RAB43: variants seen among roughly 807,000 people sequenced by gnomAD.
RAB43 encodes the protein ras-related protein Rab-43.
Under a neutral mutation model 18.8 loss-of-function variants are expected in RAB43, and 6 were observed. The observed-to-expected ratio is 0.32, with a 90% CI of 0.17 to 0.63. The LOEUF (loss-of-function observed/expected upper bound fraction) is 0.63. Ranked by LOEUF, RAB43 falls within the 30% of genes least tolerant of loss-of-function variation. The pLI is 0.79. For missense variants in RAB43, 195 were observed against 289.1 expected, an observed-to-expected ratio of 0.67 and a Z score of 2.36; for synonymous variants, 103 against 124.1, an observed-to-expected ratio of 0.83 and a Z score of 1.13.
intron 1 of RAB43, among the ~76,000 whole-genome samples, chr3:129,106,590 G>T (rs961209633): frequency 6.6e-6 from 1 of 152,198 alleles, no homozygotes; most frequent in Non-Finnish European, 1.5e-5. Flanking sequence ...CCACCATCTG[G>T]CCAGACAGGT....
intron 1 of RAB43, among the ~76,000 whole-genome samples, chr3:129,110,564 C>T (rs952755163): frequency 1.3e-5 from 2 of 152,142 alleles, no homozygotes; most frequent in African/African-American, 2.4e-5. Flanking sequence ...TGTGGCTGGG[C>T]GCGGTGGCTC....
At chr3:129,116,817 T>C (rs1176578886) in intron 1 of RAB43, among the ~76,000 whole-genome samples, 1 of 152,198 alleles carries the variant, frequency 6.6e-6, no homozygotes, top group Non-Finnish European at 1.5e-5. Context: ...GAGGCCGGTG[T>C]GCCTAGTGAT....
At chr3:129,101,122 G>A (rs1024170985) in intron 1 of RAB43, among the ~76,000 whole-genome samples, 7 of 152,180 alleles carry the variant, frequency 4.6e-5, no homozygotes, top group East Asian at 3.9e-4. Context: ...TTTTTCATCC[G>A]TACAAAAAGG....
At chr3:129,099,456 C>T (rs992541395) in intron 1 of RAB43, among the ~76,000 whole-genome samples, 3 of 149,588 alleles carry the variant, frequency 2.0e-5, no homozygotes, top group Non-Finnish European at 4.4e-5. Context: ...GCACGATCTT[C>T]GCTCACCGCA....
At chr3:129,101,281 A>G (rs1483451241) in intron 1 of RAB43, among the ~76,000 whole-genome samples, 1 of 152,258 alleles carries the variant, frequency 6.6e-6, no homozygotes, top group Non-Finnish European at 1.5e-5. Flanking sequence ...TAAATGCAAA[A>G]GAGAATACAT....
At chr3:129,117,957 CAG>C (rs1935654312) in intron 1 of RAB43, among the ~76,000 whole-genome samples, 1 of 152,104 alleles carries the variant, frequency 6.6e-6, no homozygotes, top group Non-Finnish European at 1.5e-5. Context: ...TAGGGGCAGA[CAG>C]AAAAAAACAG....
chr3:129,097,689 C>A (rs1285513426), intron 1 of RAB43, among the ~76,000 whole-genome samples: 3 of 152,150 alleles, frequency 2.0e-5, no homozygotes, highest in Admixed American at 2.0e-4. Flanking sequence ...TAGACATCAG[C>A]CAACTTGGAG....
chr3:129,095,256 G>T lies in RAB43; in HGVS notation c.205-87C>A. 6 of 1,501,872 alleles carry T rather than the reference G, an allele frequency of 4.0e-6. No individual in the cohort carries two copies. The highest frequency in any genetic ancestry group is 5.4e-6 in the Non-Finnish European group (6 of 1,120,612). 93.0% of individuals were successfully genotyped at this position (1,501,872 alleles called of 1,614,324 possible). A position where few individuals can be genotyped will look rare whatever the true frequency, so the allele number is the denominator to read the frequency against. The stretch of plus-strand genomic sequence containing the variant: ...GTGACCCCACAGACCCACACCCAGA[G>T]CTGTGGTTCCACTGGGCTAGGAGGC... On this transcript the variant is annotated intron_variant, in intron 1 of 2. Transcript: ENST00000315150. This position sits in a 1 kb window ranked among gnomAD's most constrained non-coding sequence, Gnocchi z 4.2.
intron 1 of RAB43, among the ~76,000 whole-genome samples, chr3:129,115,329 AAAAAAAC>A (rs771680528): frequency 2.0e-5 from 3 of 151,220 alleles, no homozygotes; most frequent in African/African-American, 2.4e-5. Context: ...CTCTACTAAA[AAAAAAAC>A]AAAAAACAAA....
In RAB43 at chr3:129,121,352, G is replaced by C; in HGVS notation, c.138C>G (p.Arg46=). 6.2e-7 allele frequency: 1 copy of C among 1,610,828 alleles called. No individual in the cohort carries two copies. Among genetic ancestry groups the C allele is most frequent in the Non-Finnish European group, 8.5e-7 (1 of 1,178,772 alleles). ...AGTCGACGCCGATGGTGCTTCCCTG[G>C]CGCTCCGAGAAGGCGCCGGTCTTGA... ...QRFKTGAFSE[R]QGSTIGVDFT... Residue 46 remains arginine (R), a synonymous_variant, in exon 1 of 3, where the codon CGC becomes CGG. Coordinates refer to ENST00000315150, the MANE Select transcript of RAB43 (RefSeq NM_198490.3).
intron 1 of RAB43, among the ~76,000 whole-genome samples, chr3:129,110,354 C>T (rs1484276235): frequency 1.3e-5 from 2 of 152,122 alleles, no homozygotes. Flanking sequence ...TGCCTTCATT[C>T]ATTCAATAAC....
chr3:129,092,424 G>C (rs1933722375), intron 2 of RAB43: 2 of 644,634 alleles, frequency 3.1e-6, no homozygotes, highest in Non-Finnish European at 5.6e-6. Flanking sequence ...GACTTCAGTT[G>C]CTAATTGCTG....
In RAB43 at chr3:129,095,182, G is replaced by T. The variant is rs768743383; in HGVS notation, c.205-13C>A. On this transcript the variant is annotated splice_polypyrimidine_tract_variant and intron_variant, in intron 1 of 2. Coordinates refer to ENST00000315150, the MANE Select transcript of RAB43 (RefSeq NM_198490.3). This position sits in a 1 kb window ranked among gnomAD's most constrained non-coding sequence, Gnocchi z 4.2. ...CCCAGATCTGCAGCTAAAGAAATAA[G>T]GTTCCTCAGTGAACCCAGTGGCACA... 6.2e-7 allele frequency: 1 copy of T among 1,611,592 alleles called. No individual in the cohort carries two copies. The highest frequency in any genetic ancestry group is 1.1e-5 in the South Asian group (1 of 90,784).
At chr3:129,109,094 G>C (rs1934972735) in intron 1 of RAB43, among the ~76,000 whole-genome samples, 1 of 151,640 alleles carries the variant, frequency 6.6e-6, no homozygotes, top group Non-Finnish European at 1.5e-5. Flanking sequence ...GGCTTGTACT[G>C]ATCTGTAAAT....
chr3:129,108,816 G>A (rs765011626), intron 1 of RAB43, among the ~76,000 whole-genome samples: 3 of 152,138 alleles, frequency 2.0e-5, no homozygotes, highest in Non-Finnish European at 4.4e-5. Context: ...GAGAAAGCTG[G>A]TAAACACCAC....
At chr3:129,115,622 C>G (rs1378829139) in intron 1 of RAB43, among the ~76,000 whole-genome samples, 2 of 152,126 alleles carry the variant, frequency 1.3e-5, no homozygotes, top group African/African-American at 2.4e-5. Context: ...GAGTTTGAGA[C>G]CAGCCTGGCC....
rs1461557450 is a variant in RAB43, at chr3:129,090,056, C to T, written c.*1040G>A. On this transcript the variant is annotated 3_prime_UTR_variant, in exon 3 of 3. Transcript: ENST00000315150. ...CCCACATCCCCCTACCCCACTTTTG[C>T]CTTCTAACCTTGGTGCCCAGCTCAG... 2 of 144,112 alleles carry T rather than the reference C, an allele frequency of 1.4e-5. No homozygotes were observed. Among genetic ancestry groups the T allele is most frequent in the African/African-American group, 2.6e-5 (1 of 39,056 alleles). The allele number at this position is 144,112 out of a possible 1,614,324, so 8.9% of individuals were successfully genotyped here.
chr3:129,094,952 T>TG, intron 2 of RAB43, 34 bp downstream of exon 2: 1 of 1,593,432 alleles, frequency 6.3e-7, no homozygotes, highest in East Asian at 2.2e-5. Flanking sequence ...GGCAGAGTGA[T>TG]GGGATTTGTG....
intron 1 of RAB43, among the ~76,000 whole-genome samples, chr3:129,105,753 C>T (rs1385063520): frequency 1.3e-5 from 2 of 150,354 alleles, no homozygotes; most frequent in Non-Finnish European, 3.0e-5. Flanking sequence ...GCACTCTAGC[C>T]TGGGCAACAA....
Sources: gnomAD v4.1 joint callset for allele counts (sites outside exome capture counted in the v4.1 genomes callset) on GRCh38, gnomAD v4.1.1 for gene constraint, Gnocchi (gnomAD v3.1) non-coding constraint, MANE v1.5 for transcripts, NCBI Gene and HGNC (gene_info 2026-07-23, HGNC 2026-07-21) for gene names.